SEL1L3: variants seen among roughly 807,000 people sequenced by gnomAD.
SEL1L3 encodes the protein SEL1L family member 3.
A neutral mutation model predicts 142.8 loss-of-function variants in SEL1L3; 76 were observed. The observed-to-expected ratio is 0.53, with a 90% CI of 0.44 to 0.64. SEL1L3 has a LOEUF of 0.64. SEL1L3 is among the 30% of genes least tolerant of loss of function. The pLI is 0.00. For synonymous variants in SEL1L3, 504 were observed against 519.6 expected, an observed-to-expected ratio of 0.97 and a Z score of 0.41; for missense variants, 1,262 against 1,381.7, an observed-to-expected ratio of 0.91 and a Z score of 1.37.
Position 25,802,294 on chromosome 4 carries a change from G to T in SEL1L3, c.1945C>A (p.Gln649Lys). 1 of 1,612,816 alleles carries T rather than the reference G, an allele frequency of 6.2e-7. No homozygotes were observed. Among genetic ancestry groups the T allele is most frequent in the South Asian group, 1.1e-5 (1 of 90,966 alleles). ...TTTCTCTCTCATACCTGATCTCCTT[G>T]CAGTGTGTGCTGGTCAAGGGGTGTC... ...TKTPLDQHTL[Q>K]GDQAYVETIR... Residue 649 changes from glutamine (Q) to lysine (K), a missense_variant, in exon 11 of 24, where the codon CAA becomes AAA. Coordinates refer to ENST00000399878, the MANE Select transcript of SEL1L3 (RefSeq NM_015187.5).
chr4:25,733,701 A>G, the SEL1L3 span, among the ~76,000 whole-genome samples: 4 of 151,814 alleles, frequency 2.6e-5, no homozygotes, highest in African/African-American at 9.7e-5. Context: ...TTGTATTTTT[A>G]GTAGAGACGG....
intron 5 of SEL1L3, among the ~76,000 whole-genome samples, chr4:25,830,533 G>A (rs1048190679): frequency 6.6e-6 from 1 of 152,124 alleles, no homozygotes; most frequent in African/African-American, 2.4e-5. Context: ...CAGAGCCTTA[G>A]GGGGAAAACA....
intron 20 of SEL1L3, among the ~76,000 whole-genome samples, chr4:25,763,942 A>G (rs6810593): frequency 0.015 from 2,314 of 152,334 alleles, 66 homozygotes; most frequent in African/African-American, 0.051. Flanking sequence ...GCACAACACC[A>G]GAAATACGTT....
the SEL1L3 span, among the ~76,000 whole-genome samples, chr4:25,739,794 A>G: frequency 2.0e-5 from 3 of 151,222 alleles, no homozygotes; most frequent in Non-Finnish European, 3.0e-5. Context: ...GTGTGTGTGT[A>G]GAAACACAAA....
At chr4:25,785,578 C>G (rs568826914) in intron 13 of SEL1L3, among the ~76,000 whole-genome samples, 1 of 152,270 alleles carries the variant, frequency 6.6e-6, no homozygotes, top group Non-Finnish European at 1.5e-5. Flanking sequence ...TTCTACTTGA[C>G]TTTAACTTGC....
chr4:25,859,384 T>A (rs1427010551), intron 1 of SEL1L3, among the ~76,000 whole-genome samples: 1 of 152,248 alleles, frequency 6.6e-6, no homozygotes, highest in Non-Finnish European at 1.5e-5. Flanking sequence ...CCGTGACTTA[T>A]CTTTCAGCCC....
At chr4:25,815,652 C>T (rs1714341473) in intron 9 of SEL1L3, among the ~76,000 whole-genome samples, 1 of 152,010 alleles carries the variant, frequency 6.6e-6, no homozygotes, top group South Asian at 2.1e-4. Context: ...CTAAACTGTC[C>T]AACATGCGTC....
chr4:25,847,514 C>G lies in SEL1L3; in HGVS notation c.513G>C (p.Val171=). 1 of 1,613,872 alleles carries G rather than the reference C, an allele frequency of 6.2e-7. No homozygotes were observed. The highest frequency in any genetic ancestry group is 8.5e-7 in the Non-Finnish European group (1 of 1,179,766). The part of the protein sequence containing the change: ...FIRHSISVSA[V]IVRAWITHKY... ...TGTGAGTAATCCAGGCGCGTACTAT[C>G]ACTGCAGATACAGAGATGGAATGTC... Residue 171 remains valine (V), a synonymous_variant, in exon 2 of 24, where the codon GTG becomes GTC. Coordinates refer to ENST00000399878, the MANE Select transcript of SEL1L3 (RefSeq NM_015187.5).
Position 25,835,264 on chromosome 4 carries a change from T to C in SEL1L3, c.793A>G (p.Lys265Glu). ...CGGTTCCGAAACCTCGGGAACTTCT[T>C]GACAATGCCTGTGTTTTCTCCACTG... ...ASSGENTGIV[K>E]KFPRFRNREL... Residue 265 changes from lysine (K) to glutamate (E), a missense_variant, in exon 3 of 24, where the codon AAG (lysine) becomes GAG (glutamate). By Grantham distance (56) the Lys-to-Glu change is moderately conservative (BLOSUM62 1). Around this residue, in one of 3 missense-constraint regions of SEL1L3, gnomAD observed 689 missense variants for 692.8 expected, o/e 0.99. Transcript: ENST00000399878. The C allele has an allele frequency of 6.2e-7, 1 of 1,614,008 alleles. No homozygotes were observed. Among genetic ancestry groups the C allele is most frequent in the Non-Finnish European group, 8.5e-7 (1 of 1,179,884 alleles).
intron 23 of SEL1L3, chr4:25,756,751 C>T (rs1366347550): frequency 1.8e-6 from 2 of 1,135,344 alleles, no homozygotes; most frequent in Non-Finnish European, 1.1e-6. Context: ...GATTCCTGCT[C>T]AGTCCCTCCC....
the SEL1L3 span, among the ~76,000 whole-genome samples, chr4:25,742,165 C>G: frequency 2.0e-5 from 3 of 151,790 alleles, no homozygotes; most frequent in Non-Finnish European, 4.4e-5. Flanking sequence ...ACAGTTAAGT[C>G]TTTAATTCAT....
intron 3 of SEL1L3, 65 bp downstream of exon 3, chr4:25,835,132 C>G: frequency 6.3e-7 from 1 of 1,591,118 alleles, no homozygotes; most frequent in Non-Finnish European, 8.6e-7. Flanking sequence ...CTTCCACTAG[C>G]CTGCTCTGGT....
At chr4:25,775,941 G>A (rs1242008561) in intron 17 of SEL1L3, among the ~76,000 whole-genome samples, 1 of 152,182 alleles carries the variant, frequency 6.6e-6, no homozygotes, top group East Asian at 1.9e-4. Flanking sequence ...AAAGCAGAGA[G>A]TCTCACCTAA....
At chr4:25,789,118 G>A (rs1243163014) in intron 12 of SEL1L3, among the ~76,000 whole-genome samples, 3 of 152,152 alleles carry the variant, frequency 2.0e-5, no homozygotes, top group African/African-American at 7.2e-5. Context: ...CGTGGCCAGA[G>A]CAACGTGTGT....
rs1036932027 is a variant in SEL1L3 at position 25,830,482 on chromosome 4, T to C, written c.1099-326A>G. Among the ~76,000 whole-genome samples, 6 of 152,320 alleles carry C rather than the reference T, an allele frequency of 3.9e-5. No individual in the cohort carries two copies. The East Asian group carries it at 7.7e-4, about 20-fold the overall frequency. On this transcript the variant is annotated intron_variant, in intron 5 of 23. Coordinates refer to ENST00000399878, the MANE Select transcript of SEL1L3 (RefSeq NM_015187.5). ...GTGTAGAAAGACAAGGAAATATGTA[T>C]GACACTACAAGGAGTGTTTAAAATC...
At chr4:25,724,047 G>A in the SEL1L3 span, among the ~76,000 whole-genome samples, 4 of 152,174 alleles carry the variant, frequency 2.6e-5, no homozygotes, top group Non-Finnish European at 5.9e-5. Context: ...TCCACAGCCC[G>A]GTAGGGCCCC....
intron 11 of SEL1L3, among the ~76,000 whole-genome samples, chr4:25,799,250 T>C (rs1042711189): frequency 6.6e-6 from 1 of 152,098 alleles, no homozygotes; most frequent in Admixed American, 6.5e-5. Flanking sequence ...AGTTTTTGCA[T>C]TTTTAGTAGA....
intron 2 of SEL1L3, among the ~76,000 whole-genome samples, chr4:25,840,652 C>A (rs1484768241): frequency 6.6e-6 from 1 of 152,170 alleles, no homozygotes; most frequent in African/African-American, 2.4e-5. Flanking sequence ...CAAGAGTGTT[C>A]CTAAACTGCT....
At chr4:25,777,003 C>T (rs1272871959) in intron 16 of SEL1L3, among the ~76,000 whole-genome samples, 5 of 150,328 alleles carry the variant, frequency 3.3e-5, no homozygotes, top group African/African-American at 1.2e-4. Context: ...CAAAATACAC[C>T]AATTAAAGAT....
Sources: allele counts gnomAD v4.1 joint callset (sites outside exome capture counted in the v4.1 genomes callset), GRCh38; gene constraint gnomAD v4.1.1; regional missense constraint gnomAD v4.1.1; transcripts MANE v1.5; gene names NCBI Gene and HGNC (gene_info 2026-07-23, HGNC 2026-07-21).